EPAS1: variants seen among roughly 807,000 people sequenced by gnomAD.
EPAS1 encodes endothelial PAS domain-containing protein 1.
In EPAS1, 23 loss-of-function variants were observed where a neutral mutation model predicts 87.9. The ratio of observed to expected loss-of-function variants is 0.26; its 90% CI spans 0.19 to 0.37. The LOEUF is 0.37. Among genes scored for constraint, EPAS1 ranks in the 10% least tolerant of loss-of-function variants. The pLI is 1.00. For missense variants in EPAS1, 1,138 were observed against 1,120.7 expected (o/e 1.02, Z -0.22); for synonymous variants, 508 against 444.3 (o/e 1.14, Z -1.80).
At position 46,297,839 on chromosome 2, in the gene EPAS1, A is replaced by C. The variant is rs1457525223; in HGVS notation, c.-73A>C. 2 of 1,571,884 alleles carry C rather than the reference A, an allele frequency of 1.3e-6. No homozygotes were observed. The highest frequency in any genetic ancestry group is 2.7e-5 in the African/African-American group (2 of 73,424). ...CCGCCCGGGCCGCGGGGAGCGGACG[A>C]GGGCCACAGCCCCCCACCCGCCAGG... On this transcript the variant is annotated 5_prime_UTR_variant, in exon 1 of 16. Transcript: ENST00000263734.
chr2:46,314,422 C>T (rs1475463882), intron 1 of EPAS1, among the ~76,000 whole-genome samples: 1 of 152,216 alleles, frequency 6.6e-6, no homozygotes, highest in African/African-American at 2.4e-5. Context: ...AGGACTACAG[C>T]CCCATTTCTA....
chr2:46,314,926 T>C (rs548875380), intron 1 of EPAS1, among the ~76,000 whole-genome samples: 1 of 152,106 alleles, frequency 6.6e-6, no homozygotes, highest in East Asian at 1.9e-4. Context: ...AAAGGGATAG[T>C]TGTGCTTGCA....
At position 46,382,612 on chromosome 2, in the gene EPAS1, G is replaced by A. The variant is rs753598775; in HGVS notation, c.2461+14G>A. On this transcript the variant is annotated intron_variant, in intron 15 of 15. Transcript: ENST00000263734. ...ACAAGGTGTCAGGTGGGTGTGCCCA[G>A]GATCTGTCACCCCCATCCCAGGATT... 6 of 1,613,868 alleles carry A rather than the reference G, an allele frequency of 3.7e-6. No individual in the cohort carries two copies. Among genetic ancestry groups the A allele is most frequent in the East Asian group, 2.2e-5 (1 of 44,882 alleles).
rs79995972 is a variant in EPAS1 at position 46,376,412 on chromosome 2, C to T, written c.1035-127C>T. 1.1e-3 allele frequency: 965 copies of T among 858,162 alleles called. 4 individuals are homozygous for T. In the African/African-American group the frequency reaches 0.014, roughly 12 times the overall value. 53.2% of individuals were successfully genotyped at this position (858,162 alleles called of 1,614,324 possible). On this transcript the variant is annotated intron_variant, in intron 8 of 15. Coordinates refer to ENST00000263734, the MANE Select transcript of EPAS1 (RefSeq NM_001430.5). Reference sequence around the variant, plus strand: ...TTCTATTGTATGGTTCTTTATAAGACGCCAATGCCTGGAGTCCTACCCATT... The same window carrying T: ...TTCTATTGTATGGTTCTTTATAAGATGCCAATGCCTGGAGTCCTACCCATT...
At chr2:46,314,239 C>T (rs1683270918) in intron 1 of EPAS1, among the ~76,000 whole-genome samples, 1 of 152,158 alleles carries the variant, frequency 6.6e-6, no homozygotes, top group Admixed American at 6.5e-5. Flanking sequence ...TTGGTGGCGT[C>T]TGGAAATACA....
intron 6 of EPAS1, among the ~76,000 whole-genome samples, chr2:46,368,650 G>T (rs1684556027): frequency 6.6e-6 from 1 of 152,168 alleles, no homozygotes; most frequent in African/African-American, 2.4e-5. Flanking sequence ...TCTGCTTTCT[G>T]CTTCTGCTTT....
chr2:46,306,983 T>C (rs1049729329), intron 1 of EPAS1, among the ~76,000 whole-genome samples: 4 of 152,222 alleles, frequency 2.6e-5, no homozygotes, highest in African/African-American at 7.2e-5. Context: ...TTAATCAGGA[T>C]GGGAGCTAGA....
intron 2 of EPAS1, among the ~76,000 whole-genome samples, chr2:46,353,374 CCAGGGCCAGCTTCATGGGCGTGCAGCA>C (rs369987196): frequency 2.4e-4 from 36 of 152,352 alleles, no homozygotes; most frequent in African/African-American, 8.2e-4. Flanking sequence ...AGGGGCCCGT[CCAGGGCCAGCTTCATGGGCGTGCAGCA>C]CAGGCAGTCT....
chr2:46,340,075 T>A (rs1417178870), intron 1 of EPAS1, among the ~76,000 whole-genome samples: 1 of 152,164 alleles, frequency 6.6e-6, no homozygotes, highest in Admixed American at 6.5e-5. Context: ...TCATTATGAT[T>A]ATTCCTGTGT....
chr2:46,324,454 A>G (rs1023149519), intron 1 of EPAS1, among the ~76,000 whole-genome samples: 2 of 152,180 alleles, frequency 1.3e-5, no homozygotes, highest in African/African-American at 2.4e-5. Flanking sequence ...TTATCATCCA[A>G]AACTACAAAT....
chr2:46,363,999 A>T (rs932051465), intron 6 of EPAS1, among the ~76,000 whole-genome samples: 25 of 152,340 alleles, frequency 1.6e-4, no homozygotes, highest in African/African-American at 5.8e-4. Context: ...TTATATCTTA[A>T]TTGCTTTGAT....
In EPAS1 at chr2:46,385,187, GTT is replaced by G. The variant is rs75932330; in HGVS notation, c.*539_*540del. 114,472 of 149,880 alleles carry G rather than the reference GTT, an allele frequency of 0.76. 43,512 individuals carry two copies. The highest frequency in any genetic ancestry group is 0.87 in the East Asian group (4,444 of 5,096). The allele number at this position is 149,880 out of a possible 1,614,324, so 9.3% of individuals were successfully genotyped here. ...TAATCACCATATTGTAAATTTCAGGGTTTTTTTTTTTTTGTTTAAGCTGACTC... is the reference window on the plus strand; with the variant it reads ...TAATCACCATATTGTAAATTTCAGGGTTTTTTTTTTTGTTTAAGCTGACTC... On this transcript the variant is annotated 3_prime_UTR_variant, in exon 16 of 16. Coordinates refer to ENST00000263734, the MANE Select transcript of EPAS1 (RefSeq NM_001430.5).
chr2:46,381,071 G>C, intron 12 of EPAS1: 2 of 379,312 alleles, frequency 5.3e-6, no homozygotes, highest in Non-Finnish European at 9.8e-6. Flanking sequence ...ACAGCAAAAA[G>C]ATACCCCTGC....
At chr2:46,332,214 C>T (rs1201371390) in intron 1 of EPAS1, among the ~76,000 whole-genome samples, 1 of 150,038 alleles carries the variant, frequency 6.7e-6, no homozygotes, top group Non-Finnish European at 1.5e-5. Context: ...TAAGAATGGT[C>T]CAGGAGTTTC....
chr2:46,311,123 C>T (rs773331441), intron 1 of EPAS1, among the ~76,000 whole-genome samples: 3 of 152,134 alleles, frequency 2.0e-5, no homozygotes, highest in Non-Finnish European at 2.9e-5. Context: ...GTGATCCACC[C>T]GCCTCGGCCT....
intron 2 of EPAS1, among the ~76,000 whole-genome samples, chr2:46,352,340 C>A (rs1684182570): frequency 6.6e-6 from 1 of 152,222 alleles, no homozygotes; most frequent in Non-Finnish European, 1.5e-5. Context: ...TGCCCTTACA[C>A]CTTTCAGTAT....
chr2:46,309,063 T>C (rs1466282397), intron 1 of EPAS1, among the ~76,000 whole-genome samples: 1 of 152,252 alleles, frequency 6.6e-6, no homozygotes, highest in African/African-American at 2.4e-5. Context: ...GAAGTCAGAA[T>C]AGAGGTCTCT....
intron 1 of EPAS1, among the ~76,000 whole-genome samples, chr2:46,323,760 G>T (rs188931191): frequency 6.6e-6 from 1 of 152,280 alleles, no homozygotes; most frequent in Non-Finnish European, 1.5e-5. Context: ...ATTGTGAATT[G>T]TATCAGATAT....
chr2:46,382,390 A>C (rs1684918873), intron 14 of EPAS1, 35 bp from the exon 15 acceptor site: 1 of 1,613,584 alleles, frequency 6.2e-7, no homozygotes, highest in Non-Finnish European at 8.5e-7. Flanking sequence ...CCCTCAGGCC[A>C]ATGCTACCGT....
Sources: allele counts gnomAD v4.1 joint callset (sites outside exome capture counted in the v4.1 genomes callset), GRCh38; gene constraint gnomAD v4.1.1; transcripts MANE v1.5; gene names NCBI Gene and HGNC (gene_info 2026-07-23, HGNC 2026-07-21).